Variants in IL1RAPL2 observed in about 807,000 individuals in gnomAD.
The protein encoded by IL1RAPL2 is X-linked interleukin-1 receptor accessory protein-like 2.
IL1RAPL2 carries 3 observed loss-of-function variants against 44.1 expected under a neutral mutation model. The observed-to-expected ratio is 0.07, with a 90% CI of 0.03 to 0.18. The LOEUF (loss-of-function observed/expected upper bound fraction) is 0.18. Among genes scored for constraint, IL1RAPL2 ranks in the 10% least tolerant of loss-of-function variants. IL1RAPL2 has a pLI of 1.00. For synonymous variants in IL1RAPL2, 181 were observed against 178.8 expected, an observed-to-expected ratio of 1.01 and a Z score of -0.10; for missense variants, 391 against 496.4, an observed-to-expected ratio of 0.79 and a Z score of 2.02.
chrX:104,681,944 G>A (rs773564008), intron 2 of IL1RAPL2, among the ~76,000 whole-genome samples: 5 of 112,725 alleles, frequency 4.4e-5, no homozygotes, highest in Admixed American at 9.4e-5. Flanking sequence ...ATATCTAAGT[G>A]AGGATTGTCT....
At position 105,501,624 on chromosome X, in the gene IL1RAPL2, AAAC is replaced by A. The variant is rs892283328; in HGVS notation, c.772+17259_772+17261del. Reference sequence around the variant, plus strand: ...AGATGACGAAGTGAGACCCTCTTTCAAACAACAACAACAACAACAACAACGACA... The same window carrying A: ...AGATGACGAAGTGAGACCCTCTTTCAAACAACAACAACAACAACAACGACA... On this transcript the variant is annotated intron_variant, in intron 6 of 10. Coordinates refer to ENST00000372582, the MANE Select transcript of IL1RAPL2 (RefSeq NM_017416.2). Among the ~76,000 whole-genome samples the A allele has an allele frequency of 5.4e-5, 6 of 110,568 alleles. No homozygotes were observed. In the South Asian group the frequency reaches 1.5e-3, roughly 28 times the overall value.
At chrX:105,237,599 T>C (rs1020130992) in intron 4 of IL1RAPL2, among the ~76,000 whole-genome samples, 13 of 112,338 alleles carry the variant, frequency 1.2e-4, no homozygotes, top group Non-Finnish European at 1.7e-4. Flanking sequence ...TGGCCAGTGA[T>C]GATGAGCATT....
chrX:105,364,460 A>G (rs1230684935), intron 5 of IL1RAPL2, among the ~76,000 whole-genome samples: 2 of 110,827 alleles, frequency 1.8e-5, no homozygotes, highest in Non-Finnish European at 3.8e-5. Context: ...TTGTGAAAAA[A>G]TGATGTTAGA....
At chrX:105,579,753 AC>A (rs924775008) in intron 6 of IL1RAPL2, among the ~76,000 whole-genome samples, 1 of 111,963 alleles carries the variant, frequency 8.9e-6, no homozygotes, top group Non-Finnish European at 1.9e-5. Context: ...TGAAGCCAGT[AC>A]TCAATTCTGG....
chrX:105,524,451 C>A (rs1224285751), intron 6 of IL1RAPL2, among the ~76,000 whole-genome samples: 1 of 110,066 alleles, frequency 9.1e-6, no homozygotes, highest in Admixed American at 9.8e-5. Flanking sequence ...CAGTTATTCT[C>A]GGCAGATTAA....
rs1287546494 is a variant in IL1RAPL2 at position 105,368,211 on chromosome X, A to T, written c.697+100670A>T. 7.2e-5 allele frequency among the ~76,000 whole-genome samples: 8 copies of T among 110,994 alleles called. No homozygotes were observed. The Admixed American group carries it at 7.7e-4, about 11-fold the overall frequency. ...TAGTTCCTAAGAGAGAAGGTTATTT[A>T]AAAAAATCTGGCTTCCTTGGTTTCT... On this transcript the variant is annotated intron_variant, in intron 5 of 10. Coordinates refer to ENST00000372582, the MANE Select transcript of IL1RAPL2 (RefSeq NM_017416.2).
chrX:105,173,728 CTT>C (rs371654989), intron 2 of IL1RAPL2, among the ~76,000 whole-genome samples: 5 of 99,245 alleles, frequency 5.0e-5, no homozygotes, highest in Admixed American at 2.2e-4. Flanking sequence ...ACTGCTGCTT[CTT>C]TTTTTTTTTT....
chrX:104,675,013 C>G (rs771279984), intron 2 of IL1RAPL2, among the ~76,000 whole-genome samples: 1 of 110,483 alleles, frequency 9.1e-6, no homozygotes, highest in Non-Finnish European at 1.9e-5. Flanking sequence ...GTCTTGCTAG[C>G]GGTCTATCAA....
chrX:105,160,484 G>A (rs962634209), intron 2 of IL1RAPL2, among the ~76,000 whole-genome samples: 2 of 111,283 alleles, frequency 1.8e-5, no homozygotes, highest in Non-Finnish European at 3.8e-5. Context: ...AGAATTATGT[G>A]TAATATATAT....
intron 5 of IL1RAPL2, among the ~76,000 whole-genome samples, chrX:105,333,423 G>T (rs755931572): frequency 9.0e-6 from 1 of 111,348 alleles, no homozygotes; most frequent in Non-Finnish European, 1.9e-5. Flanking sequence ...ACAAGAAAAC[G>T]TTGGGAAAAC....
In IL1RAPL2 at chrX:105,388,148, C is replaced by CAAAAAAAAAAAAAAAAAAAAA. The variant is rs760730401; in HGVS notation, c.698-96145_698-96125dup. 7.4e-4 allele frequency among the ~76,000 whole-genome samples: 4 copies of CAAAAAAAAAAAAAAAAAAAAA among 5,382 alleles called. 2 individuals carry two copies. Among genetic ancestry groups the CAAAAAAAAAAAAAAAAAAAAA allele is most frequent in the Non-Finnish European group, 2.2e-3 (4 of 1,803 alleles). The allele number at this position is 5,382 out of a possible 115,157, so 4.7% of individuals were successfully genotyped here. On this transcript the variant is annotated intron_variant, in intron 5 of 10. Transcript: ENST00000372582. The stretch of plus-strand genomic sequence containing the variant: ...GGGCAACAAGAGCGAAACTCCATCT[C>CAAAAAAAAAAAAAAAAAAAAA]AAAAAAAAAAAAAAAAAAAAAAAAA...
intron 2 of IL1RAPL2, among the ~76,000 whole-genome samples, chrX:104,950,810 T>C (rs1400041529): frequency 1.8e-5 from 2 of 110,618 alleles, no homozygotes; most frequent in African/African-American, 6.6e-5. Context: ...GGGGTTCACG[T>C]CATTCTCCTG....
At chrX:105,643,151 G>C (rs969437504) in intron 6 of IL1RAPL2, among the ~76,000 whole-genome samples, 1 of 112,040 alleles carries the variant, frequency 8.9e-6, no homozygotes, top group African/African-American at 3.2e-5. Context: ...GGGCCCTACA[G>C]GGCTGAGGTG....
chrX:104,802,898 T>C (rs1932894967), intron 2 of IL1RAPL2, among the ~76,000 whole-genome samples: 1 of 111,213 alleles, frequency 9.0e-6, no homozygotes, highest in Admixed American at 9.7e-5. Context: ...ACGTAAAACA[T>C]GGTTACCCAG....
At chrX:105,747,990 C>T (rs1371066438) in intron 8 of IL1RAPL2, among the ~76,000 whole-genome samples, 3 of 111,129 alleles carry the variant, frequency 2.7e-5, no homozygotes, top group African/African-American at 6.5e-5. Context: ...GTGGAAAATA[C>T]GTCTCTGGTC....
At chrX:105,468,948 G>GA (rs754345235) in intron 5 of IL1RAPL2, among the ~76,000 whole-genome samples, 1 of 111,244 alleles carries the variant, frequency 9.0e-6, no homozygotes, top group South Asian at 3.7e-4. Flanking sequence ...CATTTAATAG[G>GA]AAAAAAATGT....
chrX:105,352,146 T>C (rs2035160788), intron 5 of IL1RAPL2, among the ~76,000 whole-genome samples: 2 of 110,895 alleles, frequency 1.8e-5, no homozygotes, highest in African/African-American at 6.6e-5. Flanking sequence ...CCCAAGCTGG[T>C]CTCAAAATCC....
chrX:105,434,170 A>G (rs749937522), intron 5 of IL1RAPL2, among the ~76,000 whole-genome samples: 9 of 112,032 alleles, frequency 8.0e-5, no homozygotes, highest in African/African-American at 2.6e-4. Context: ...TAAGACCACA[A>G]TGTGCTACCA....
chrX:105,610,169 G>A (rs1414780656), intron 6 of IL1RAPL2, among the ~76,000 whole-genome samples: 2 of 111,305 alleles, frequency 1.8e-5, no homozygotes, highest in Non-Finnish European at 3.8e-5. Context: ...CTAGTTGGCG[G>A]GTTGGATTTG....
Sources: allele counts gnomAD v4.1 joint callset (sites outside exome capture counted in the v4.1 genomes callset), GRCh38; gene constraint gnomAD v4.1.1; transcripts MANE v1.5; gene names NCBI Gene and HGNC (gene_info 2026-07-23, HGNC 2026-07-21).